XRCC4: variants seen among roughly 807,000 people sequenced by gnomAD.
The protein encoded by XRCC4 is DNA repair protein XRCC4.
Under a neutral mutation model 39.1 loss-of-function variants are expected in XRCC4, and 28 were observed. The ratio of observed to expected loss-of-function variants is 0.72; its 90% confidence interval spans 0.53 to 0.98. XRCC4 has a LOEUF of 0.98. XRCC4 is among the 50% of genes least tolerant of loss of function. XRCC4 has a pLI of 0.00. For synonymous variants in XRCC4, 123 were observed against 126.4 expected, an observed-to-expected ratio of 0.97 and a Z score of 0.18; for missense variants, 350 against 376.4, an observed-to-expected ratio of 0.93 and a Z score of 0.58.
At chr5:83,299,571 C>T (rs1009128973) in intron 7 of XRCC4, among the ~76,000 whole-genome samples, 3 of 151,980 alleles carry the variant, frequency 2.0e-5, no homozygotes, top group Non-Finnish European at 4.4e-5. Flanking sequence ...GTATTTTAAC[C>T]TCTCTTTTAT....
chr5:83,201,396 G>A (rs1472200211), intron 4 of XRCC4: 1 of 152,292 alleles, frequency 6.6e-6, no homozygotes, highest in Non-Finnish European at 1.5e-5. Flanking sequence ...CTGGCCCCTA[G>A]TAAAATGCCC....
At chr5:83,356,145 CTCAG>C (rs1391212913), downstream of XRCC4, among the ~76,000 whole-genome samples, 2 of 152,020 alleles carry the variant, frequency 1.3e-5, no homozygotes, top group Admixed American at 6.6e-5. Flanking sequence ...TCAAATTCTA[CTCAG>C]TCACTTTGGA....
chr5:83,121,460 T>A (rs1018857270), intron 3 of XRCC4, among the ~76,000 whole-genome samples: 1 of 152,188 alleles, frequency 6.6e-6, no homozygotes, highest in Non-Finnish European at 1.5e-5. Flanking sequence ...GATTTTTCAT[T>A]TTAGACATTT....
At chr5:83,255,014 G>A (rs948212734) in intron 6 of XRCC4, among the ~76,000 whole-genome samples, 12 of 151,670 alleles carry the variant, frequency 7.9e-5, no homozygotes, top group Admixed American at 2.6e-4. Flanking sequence ...TTGAACCCAG[G>A]AGGCAGAGGT....
At chr5:83,116,738 C>G (rs1340360719) in intron 3 of XRCC4, among the ~76,000 whole-genome samples, 1 of 150,484 alleles carries the variant, frequency 6.6e-6, no homozygotes, top group Non-Finnish European at 1.5e-5. Flanking sequence ...TCTCCTGCCT[C>G]AGTCTCCTGA....
intron 7 of XRCC4, among the ~76,000 whole-genome samples, chr5:83,314,110 G>A (rs1015083086): frequency 3.3e-5 from 5 of 151,802 alleles, no homozygotes; most frequent in African/African-American, 1.2e-4. Flanking sequence ...TAGCACTATA[G>A]ATTTTTCCTT....
At chr5:83,152,781 A>G (rs948439794) in intron 3 of XRCC4, among the ~76,000 whole-genome samples, 2 of 152,170 alleles carry the variant, frequency 1.3e-5, no homozygotes, top group African/African-American at 4.8e-5. Context: ...TACAGAAGTA[A>G]TATTTACAGA....
At chr5:83,282,707 T>A (rs374844928) in intron 7 of XRCC4, among the ~76,000 whole-genome samples, 6 of 151,950 alleles carry the variant, frequency 3.9e-5, no homozygotes, top group Admixed American at 1.3e-4. Flanking sequence ...CCAGGCATGG[T>A]GGCAGGCGCC....
intron 7 of XRCC4, among the ~76,000 whole-genome samples, chr5:83,336,812 TC>T (rs1419103702): frequency 6.6e-6 from 1 of 152,132 alleles, no homozygotes; most frequent in Non-Finnish European, 1.5e-5. Context: ...AACTTTCTCT[TC>T]CCAATCATTC....
At chr5:83,228,356 A>AGATTCATGC (rs1752370242) in intron 6 of XRCC4, among the ~76,000 whole-genome samples, 13 of 152,150 alleles carry the variant, frequency 8.5e-5, no homozygotes, top group Middle Eastern at 3.4e-3. Flanking sequence ...ATTATGAATT[A>AGATTCATGC]CTTGCAGGAA....
intron 3 of XRCC4, among the ~76,000 whole-genome samples, chr5:83,182,190 C>T (rs559040023): frequency 1.3e-5 from 2 of 152,166 alleles, no homozygotes; most frequent in Admixed American, 1.3e-4. Flanking sequence ...ATAACCAGCA[C>T]AATCCACAGC....
At chr5:83,313,551 A>T (rs1321760526) in intron 7 of XRCC4, among the ~76,000 whole-genome samples, 1 of 152,102 alleles carries the variant, frequency 6.6e-6, no homozygotes, top group Non-Finnish European at 1.5e-5. Flanking sequence ...TATTAGGCCT[A>T]CTGTGGAGAC....
chr5:83,158,963 C>T (rs531372545), intron 3 of XRCC4, among the ~76,000 whole-genome samples: 2 of 152,210 alleles, frequency 1.3e-5, no homozygotes, highest in South Asian at 2.1e-4. Context: ...TATGAGCTGA[C>T]GTCACTAACA....
At chr5:83,365,110 C>T in the XRCC4 span, among the ~76,000 whole-genome samples, 6 of 152,072 alleles carry the variant, frequency 3.9e-5, no homozygotes, top group South Asian at 2.1e-4. Context: ...AGAGGCCATT[C>T]GATGGGAGTT....
At chr5:83,314,093 T>G (rs527286351) in intron 7 of XRCC4, among the ~76,000 whole-genome samples, 3 of 152,230 alleles carry the variant, frequency 2.0e-5, no homozygotes, top group African/African-American at 7.2e-5. Flanking sequence ...CATTCTCAGA[T>G]ATATCCTAGC....
chr5:83,344,798 A>G (rs1476049130), intron 7 of XRCC4, among the ~76,000 whole-genome samples: 2 of 152,204 alleles, frequency 1.3e-5, no homozygotes, highest in African/African-American at 2.4e-5. Context: ...TTATAGGTAC[A>G]TATACCTTCA....
intron 1 of XRCC4, among the ~76,000 whole-genome samples, chr5:83,094,216 A>G (rs1745562133): frequency 6.6e-6 from 1 of 151,330 alleles, no homozygotes; most frequent in Non-Finnish European, 1.5e-5. Context: ...TTGTTTTTCT[A>G]CTTCTTAATT....
intron 3 of XRCC4, among the ~76,000 whole-genome samples, chr5:83,117,327 C>T (rs994188537): frequency 1.3e-5 from 2 of 152,152 alleles, no homozygotes; most frequent in African/African-American, 4.8e-5. Context: ...GTGCTTTGGG[C>T]CACTGTTTTC....
At chr5:83,091,596 A>G (rs1745433634) in intron 1 of XRCC4, among the ~76,000 whole-genome samples, 4 of 152,200 alleles carry the variant, frequency 2.6e-5, no homozygotes, top group South Asian at 4.1e-4. Flanking sequence ...GATTATACAT[A>G]TAAGTGAGAA....
Sources: gnomAD v4.1 joint callset for allele counts (sites outside exome capture counted in the v4.1 genomes callset) on GRCh38, gnomAD v4.1.1 for gene constraint, MANE v1.5 for transcripts, NCBI Gene and HGNC (gene_info 2026-07-23, HGNC 2026-07-21) for gene names.